The following FOXK2 variants were observed in gnomAD, a reference collection of about 807,000 sequenced individuals.
The protein encoded by FOXK2 is forkhead box K2, also known as forkhead box protein K2.
Under a neutral mutation model 53.3 loss-of-function variants are expected in FOXK2, and 24 were observed. That is an observed-to-expected ratio of 0.45 (90% confidence interval 0.33 to 0.63). FOXK2 has a LOEUF of 0.63. Among genes scored for constraint, FOXK2 ranks in the 30% least tolerant of loss-of-function variants. The pLI is 0.03. For synonymous variants in FOXK2, 505 were observed against 407.1 expected (o/e 1.24, Z -2.89); for missense variants, 952 against 910.5 (o/e 1.05, Z -0.59).
At chr17:82,580,059 C>T (rs2045040379) in intron 4 of FOXK2, among the ~76,000 whole-genome samples, 1 of 118,074 alleles carries the variant, frequency 8.5e-6, no homozygotes, top group African/African-American at 3.4e-5. Flanking sequence ...GGGCCCAGAT[C>T]CCTCCCACAC....
At chr17:82,587,309 G>C (rs750689997) in intron 8 of FOXK2, 37 bp downstream of exon 8, 29 of 1,522,074 alleles carry the variant, frequency 1.9e-5, no homozygotes, top group African/African-American at 4.1e-5. Context: ...CGTGGCTGTG[G>C]GTACTGGGAG....
intron 4 of FOXK2, among the ~76,000 whole-genome samples, chr17:82,581,063 G>A (rs1000913641): frequency 6.6e-6 from 1 of 152,244 alleles, no homozygotes; most frequent in East Asian, 1.9e-4. Flanking sequence ...TTGACGATTT[G>A]AAATTCAGGC....
chr17:82,529,751 C>T (rs1018556531), intron 1 of FOXK2, among the ~76,000 whole-genome samples: 5 of 152,182 alleles, frequency 3.3e-5, no homozygotes, highest in Non-Finnish European at 7.3e-5. Flanking sequence ...TAGATAACTC[C>T]TCCCTTTGCA....
intron 4 of FOXK2, among the ~76,000 whole-genome samples, chr17:82,573,686 G>T (rs986750807): frequency 2.0e-4 from 31 of 152,096 alleles, no homozygotes; most frequent in Non-Finnish European, 1.0e-4. Flanking sequence ...GGTCCAGCTT[G>T]CTCTGTGGGA....
Position 82,585,786 on chromosome 17 carries a change from G to A in FOXK2, c.1280-118G>A, listed in dbSNP as rs1030642039. 5 of 973,544 alleles carry A rather than the reference G, an allele frequency of 5.1e-6. No individual in the cohort carries two copies. In the African/African-American group the frequency reaches 8.2e-5, roughly 16 times the overall value. 60.3% of individuals were successfully genotyped at this position (973,544 alleles called of 1,614,324 possible). A position where few individuals can be genotyped will look rare whatever the true frequency, so the allele number is the denominator to read the frequency against. On this transcript the variant is annotated intron_variant, in intron 6 of 8. Transcript: ENST00000335255. The stretch of plus-strand genomic sequence containing the variant: ...ACTTTACTATTGTGAGGTGAAATAG[G>A]GCCATATCCTATATTTTAAATTAAA...
At position 82,601,549 on chromosome 17, in the gene FOXK2, GA is replaced by G. The variant is rs761381326; in HGVS notation, c.*51del. The G allele has an allele frequency of 3.3e-6, 5 of 1,528,358 alleles. No individual in the cohort carries two copies. The highest frequency in any genetic ancestry group is 4.4e-6 in the Non-Finnish European group (5 of 1,135,404). The allele number at this position is 1,528,358 out of a possible 1,614,324, so 94.7% of individuals were successfully genotyped here. A position where few individuals can be genotyped will look rare whatever the true frequency, so the allele number is the denominator to read the frequency against. On this transcript the variant is annotated 3_prime_UTR_variant, in exon 9 of 9. Coordinates refer to ENST00000335255, the MANE Select transcript of FOXK2 (RefSeq NM_004514.4). ...GATATCAACTCTGTGGTGCCAAAAG[GA>G]GACGCGGCCTCCCGCCAGCACTCGG... is the stretch of plus-strand genomic sequence containing the variant.
intron 1 of FOXK2, among the ~76,000 whole-genome samples, chr17:82,529,732 C>T (rs563037100): frequency 3.9e-5 from 6 of 152,206 alleles, no homozygotes; most frequent in African/African-American, 1.2e-4. Context: ...AGACTCATTG[C>T]GGAGTCACTA....
At chr17:82,560,733 C>G (rs1300153652) in intron 1 of FOXK2, among the ~76,000 whole-genome samples, 1 of 152,090 alleles carries the variant, frequency 6.6e-6, no homozygotes, top group Admixed American at 6.5e-5. Context: ...CATGGTGGTT[C>G]ACGCCTGTAA....
chr17:82,576,772 A>C, intron 4 of FOXK2: 2 of 644,100 alleles, frequency 3.1e-6, no homozygotes, highest in Non-Finnish European at 5.4e-6. Context: ...CAGCTGCTTC[A>C]TTTTTATGGT....
chr17:82,551,959 T>C (rs1479100873), intron 1 of FOXK2, among the ~76,000 whole-genome samples: 1 of 152,208 alleles, frequency 6.6e-6, no homozygotes, highest in Non-Finnish European at 1.5e-5. Context: ...GTCCTTGGAC[T>C]GTGGGGAAGC....
rs141237960 is a variant in FOXK2 at position 82,577,800 on chromosome 17, C to T, written c.910-4941C>T. ...TTGCCCAGGCTGGAGTGCAGTGGCG[C>T]GATCTCAGCTCACTGCAACCTTTGC... is the stretch of plus-strand genomic sequence containing the variant. On this transcript the variant is annotated intron_variant, in intron 4 of 8. Transcript: ENST00000335255. Among the ~76,000 whole-genome samples, 26 of 152,198 alleles carry T rather than the reference C, an allele frequency of 1.7e-4. No individual in the cohort carries two copies. The East Asian group carries it at 1.7e-3, about 10-fold the overall frequency.
intron 4 of FOXK2, chr17:82,577,167 AAAG>A: frequency 1.1e-6 from 1 of 923,618 alleles, no homozygotes; most frequent in Non-Finnish European, 1.7e-6. Flanking sequence ...CGTCTCAAAA[AAAG>A]AAAAAGAAAA....
At chr17:82,521,935 C>G (rs201299304) in intron 1 of FOXK2, among the ~76,000 whole-genome samples, 1 of 119,676 alleles carries the variant, frequency 8.4e-6, no homozygotes, top group African/African-American at 3.0e-5. Context: ...GACTCCGCCT[C>G]AAAAAAAAAA....
chr17:82,526,898 C>T (rs962791650), intron 1 of FOXK2, among the ~76,000 whole-genome samples: 7 of 151,232 alleles, frequency 4.6e-5, no homozygotes, highest in East Asian at 1.9e-4. Flanking sequence ...AGACAGCAGA[C>T]GATGTCTGAA....
chr17:82,586,449 C>CG (rs2045162512), intron 7 of FOXK2, among the ~76,000 whole-genome samples: 2 of 3,042 alleles, frequency 6.6e-4, no homozygotes, highest in African/African-American at 2.9e-3. Flanking sequence ...CAAAGGTGGG[C>CG]CGGGGGGGGA....
At chr17:82,539,779 A>G (rs1394969087) in intron 1 of FOXK2, among the ~76,000 whole-genome samples, 1 of 151,768 alleles carries the variant, frequency 6.6e-6, no homozygotes, top group Non-Finnish European at 1.5e-5. Context: ...AGGCTGGCCA[A>G]CATGGTGAAA....
intron 4 of FOXK2, 103 bp downstream of exon 4, chr17:82,571,973 G>A (rs577053543): frequency 2.3e-5 from 28 of 1,227,256 alleles, no homozygotes; most frequent in Middle Eastern, 2.4e-4. Flanking sequence ...AAGGTAGAAG[G>A]GGGGGTTGGA....
chr17:82,574,321 CTTT>C (rs750973206), intron 4 of FOXK2, among the ~76,000 whole-genome samples: 4 of 137,192 alleles, frequency 2.9e-5, no homozygotes, highest in African/African-American at 5.4e-5. Flanking sequence ...TACTCTCTCT[CTTT>C]TTTTTTTTTT....
chr17:82,592,696 C>T (rs1443184403), intron 8 of FOXK2, among the ~76,000 whole-genome samples: 2 of 152,386 alleles, frequency 1.3e-5, no homozygotes, highest in South Asian at 2.1e-4. Context: ...CATTTGTTGA[C>T]TCCAGTGTTT....
Sources: allele counts gnomAD v4.1 joint callset (sites outside exome capture counted in the v4.1 genomes callset), GRCh38; gene constraint gnomAD v4.1.1; transcripts MANE v1.5; gene names NCBI Gene and HGNC (gene_info 2026-07-23, HGNC 2026-07-21).